POFUT3: variants seen among roughly 807,000 people sequenced by gnomAD.
The protein encoded by POFUT3 is protein O-fucosyltransferase 3, also known as GDP-fucose protein O-fucosyltransferase 3.
the POFUT3 span, among the ~76,000 whole-genome samples, chr8:33,453,775 G>T: frequency 2.1e-4 from 32 of 152,078 alleles, no homozygotes; most frequent in South Asian, 4.2e-4. Context: ...GTGAAACCCC[G>T]ACTCTACTAA....
chr8:33,465,213 AAAT>A, the POFUT3 span, among the ~76,000 whole-genome samples: 1 of 152,148 alleles, frequency 6.6e-6, no homozygotes, highest in Non-Finnish European at 1.5e-5. Context: ...TTATGTAGTA[AAAT>A]AATATCACCT....
At chr8:33,466,859 C>T in the POFUT3 span, among the ~76,000 whole-genome samples, 7 of 152,142 alleles carry the variant, frequency 4.6e-5, no homozygotes, top group African/African-American at 1.7e-4. Context: ...AATCTCAGTA[C>T]TTTGAGAGGC....
the POFUT3 span, chr8:33,372,440 C>T: frequency 2.2e-5 from 32 of 1,432,126 alleles, no homozygotes; most frequent in Non-Finnish European, 2.7e-5. Flanking sequence ...TGAAAGGGCT[C>T]ATTATGAGTA....
At chr8:33,464,881 G>A in the POFUT3 span, among the ~76,000 whole-genome samples, 2 of 152,290 alleles carry the variant, frequency 1.3e-5, no homozygotes, top group Middle Eastern at 3.4e-3. Context: ...AACATATGTA[G>A]TACAGTTGTC....
the POFUT3 span, among the ~76,000 whole-genome samples, chr8:33,417,494 T>C: frequency 1.3e-5 from 2 of 152,026 alleles, no homozygotes; most frequent in African/African-American, 4.8e-5. Flanking sequence ...GAAGATGAGC[T>C]ACAGCCACTC....
At chr8:33,314,825 A>T in the POFUT3 span, among the ~76,000 whole-genome samples, 3 of 152,124 alleles carry the variant, frequency 2.0e-5, no homozygotes, top group Non-Finnish European at 4.4e-5. Flanking sequence ...CAACCTCCTC[A>T]TCTGCCAAAC....
At chr8:33,389,447 T>C in the POFUT3 span, 3 of 1,614,232 alleles carry the variant, frequency 1.9e-6, no homozygotes, top group Middle Eastern at 1.6e-4. Flanking sequence ...ACATTCACCA[T>C]AGGAATCGAC....
At chr8:33,368,888 A>C in the POFUT3 span, among the ~76,000 whole-genome samples, 1 of 152,220 alleles carries the variant, frequency 6.6e-6, no homozygotes, top group East Asian at 1.9e-4. Context: ...GAGTCAGAGA[A>C]TAATTTAAGC....
At chr8:33,412,431 G>C in the POFUT3 span, among the ~76,000 whole-genome samples, 1 of 152,158 alleles carries the variant, frequency 6.6e-6, no homozygotes, top group African/African-American at 2.4e-5. Context: ...TAAAATGACT[G>C]GGCTCCTTCA....
chr8:33,349,274 A>C, the POFUT3 span, among the ~76,000 whole-genome samples: 6,353 of 152,124 alleles, frequency 0.042, 414 homozygotes, highest in African/African-American at 0.14. Context: ...TGCTTTTTTC[A>C]CAAGTGCCTT....
the POFUT3 span, among the ~76,000 whole-genome samples, chr8:33,440,698 A>G: frequency 2.0e-5 from 3 of 152,200 alleles, no homozygotes; most frequent in South Asian, 6.2e-4. Flanking sequence ...AATTTAATCT[A>G]TTTACATTGC....
At chr8:33,438,782 T>C in the POFUT3 span, among the ~76,000 whole-genome samples, 2 of 152,020 alleles carry the variant, frequency 1.3e-5, no homozygotes, top group Non-Finnish European at 2.9e-5. Flanking sequence ...AAGGGGTGAA[T>C]GAGAGCCGAG....
chr8:33,340,013 T>C, the POFUT3 span, among the ~76,000 whole-genome samples: 1 of 152,136 alleles, frequency 6.6e-6, no homozygotes, highest in South Asian at 2.1e-4. Flanking sequence ...TTATGTTTAT[T>C]AGTTGAAGCA....
the POFUT3 span, among the ~76,000 whole-genome samples, chr8:33,472,555 T>C: frequency 6.6e-6 from 1 of 152,244 alleles, no homozygotes; most frequent in African/African-American, 2.4e-5. Context: ...CCGTATTCTC[T>C]GCAACTAGAA....
At chr8:33,315,704 T>C in the POFUT3 span, among the ~76,000 whole-genome samples, 1 of 152,080 alleles carries the variant, frequency 6.6e-6, no homozygotes, top group Non-Finnish European at 1.5e-5. Context: ...CTGGAGGACA[T>C]CTGCAGTCAT....
chr8:33,338,456 G>T, the POFUT3 span, among the ~76,000 whole-genome samples: 1 of 152,116 alleles, frequency 6.6e-6, no homozygotes, highest in African/African-American at 2.4e-5. Context: ...AAGAAAACTT[G>T]CCACTTGCCA....
chr8:33,454,209 G>T, the POFUT3 span, among the ~76,000 whole-genome samples: 6 of 152,164 alleles, frequency 3.9e-5, no homozygotes, highest in Non-Finnish European at 8.8e-5. Context: ...GTCTCACTGG[G>T]CTAAGACCCA....
the POFUT3 span, among the ~76,000 whole-genome samples, chr8:33,327,632 G>A: frequency 2.0e-5 from 3 of 152,158 alleles, no homozygotes; most frequent in Non-Finnish European, 4.4e-5. Flanking sequence ...TCACACACAA[G>A]TTCATACACT....
At chr8:33,353,760 C>T in the POFUT3 span, among the ~76,000 whole-genome samples, 1 of 152,066 alleles carries the variant, frequency 6.6e-6, no homozygotes, top group South Asian at 2.1e-4. Flanking sequence ...CCCTCAGAAG[C>T]CAAGAAATCA....
Sources: allele counts gnomAD v4.1 joint callset (sites outside exome capture counted in the v4.1 genomes callset), GRCh38; gene constraint gnomAD v4.1.1; transcripts MANE v1.5; gene names NCBI Gene and HGNC (gene_info 2026-07-23, HGNC 2026-07-21).